The following NOP9 variants were observed in gnomAD, a reference collection of about 807,000 sequenced individuals.
NOP9 encodes the protein nucleolar protein 9.
Under a neutral mutation model 63.0 loss-of-function variants are expected in NOP9, and 50 were observed. The ratio of observed to expected loss-of-function variants is 0.79; its 90% CI spans 0.63 to 1.00. The LOEUF (loss-of-function observed/expected upper bound fraction) is 1.00. Ranked by LOEUF, NOP9 falls within the 50% of genes least tolerant of loss-of-function variation. The pLI is 0.00. For synonymous variants in NOP9, 343 were observed against 332.8 expected (o/e 1.03, Z -0.33); for missense variants, 758 against 803.0 (o/e 0.94, Z 0.68).
At chr14:24,304,331 T>A in intron 8 of NOP9, 54 bp downstream of exon 8, 15 of 1,482,364 alleles carry the variant, frequency 1.0e-5, no homozygotes, top group Non-Finnish European at 1.3e-5. Flanking sequence ...TTAGAGAATA[T>A]GAGCTTTCCC....
rs2041404979 is a variant in NOP9 at position 24,303,078 on chromosome 14, C to T, written c.1148C>T (p.Ser383Phe). 1 of 1,534,236 alleles carries T rather than the reference C, an allele frequency of 6.5e-7. No individual in the cohort carries two copies. Among genetic ancestry groups the T allele is most frequent in the Non-Finnish European group, 8.7e-7 (1 of 1,143,814 alleles). The change falls in exon 6 of 10, where the codon TCC becomes TTC. Residue 383 changes from serine to phenylalanine, a missense_variant. Ser to Phe is a radical substitution (Grantham distance 155). Transcript: ENST00000267425. The stretch of plus-strand genomic sequence containing the variant: ...ACATTCCATGTTTCCCATCAGCTGT[C>T]CCCTGTGTTTGAGGAGCTGAGCCCT... The part of the protein sequence containing the change: ...LDAVTTPELL[S>F]PVFEELSPVL...
the NOP9 span, among the ~76,000 whole-genome samples, chr14:24,280,457 G>A: frequency 2.0e-5 from 3 of 152,198 alleles, no homozygotes; most frequent in Non-Finnish European, 4.4e-5. Flanking sequence ...TCCTGTGGGT[G>A]CAGCGCCCCA....
chr14:24,304,187 A>G lies in NOP9; in HGVS notation c.1557A>G (p.Gln519=). 6.2e-7 allele frequency: 1 copy of G among 1,614,206 alleles called. No homozygotes were observed. The highest frequency in any genetic ancestry group is 8.5e-7 in the Non-Finnish European group (1 of 1,180,028). The stretch of plus-strand genomic sequence containing the variant: ...GACCACAGCTTCTGTCCCTTGCCCA[A>G]AGTCCCGCTGGCTCTCATGTGCTCG... ...LTGPQLLSLA[Q]SPAGSHVLDA... Residue 519 remains glutamine (Q), a synonymous_variant, in exon 8 of 10, where the codon CAA becomes CAG. Transcript: ENST00000267425.
the NOP9 span, among the ~76,000 whole-genome samples, chr14:24,275,657 C>T: frequency 3.7e-4 from 57 of 152,336 alleles, no homozygotes; most frequent in African/African-American, 1.2e-3. Context: ...AAGGGGGCCA[C>T]GAGCCCTGGG....
Position 24,305,577 on chromosome 14 carries a change from A to C in NOP9, c.*482A>C. ...GCAGGTCCTGAAATTTGATGCTGTC[A>C]TAGTCTTTGCAGTGGGTCGGTTGGA... On this transcript the variant is annotated 3_prime_UTR_variant, in exon 10 of 10. Coordinates refer to ENST00000267425, the MANE Select transcript of NOP9 (RefSeq NM_174913.3). The C allele has an allele frequency of 6.3e-7, 1 of 1,576,120 alleles. No individual in the cohort carries two copies. Among genetic ancestry groups the C allele is most frequent in the Non-Finnish European group, 8.6e-7 (1 of 1,162,878 alleles).
upstream of NOP9, chr14:24,296,523 G>T (rs753904537): frequency 6.2e-7 from 1 of 1,614,220 alleles, no homozygotes; most frequent in Non-Finnish European, 8.5e-7. Flanking sequence ...GTCCGACGTT[G>T]TTGATATCAT....
the NOP9 span, among the ~76,000 whole-genome samples, chr14:24,283,122 T>G: frequency 6.6e-6 from 1 of 152,236 alleles, no homozygotes; most frequent in Admixed American, 6.5e-5. Flanking sequence ...CCAGCCCCTC[T>G]TAAAGTGCTG....
chr14:24,297,237 C>A (rs1234067002), upstream of NOP9, among the ~76,000 whole-genome samples: 1 of 152,166 alleles, frequency 6.6e-6, no homozygotes, highest in Non-Finnish European at 1.5e-5. Context: ...TTGTTGTGGT[C>A]ATTTCCATCT....
At chr14:24,292,843 C>T in the NOP9 span, 1 of 1,552,172 alleles carries the variant, frequency 6.4e-7, no homozygotes. Context: ...CTGGGTGCCA[C>T]AGCCTCTGGC....
In NOP9 at chr14:24,305,677, C is replaced by T; in HGVS notation, c.*582C>T. 6.2e-7 allele frequency: 1 copy of T among 1,614,220 alleles called. No individual in the cohort carries two copies. Among genetic ancestry groups the T allele is most frequent in the Non-Finnish European group, 8.5e-7 (1 of 1,180,044 alleles). On this transcript the variant is annotated 3_prime_UTR_variant, in exon 10 of 10. Transcript: ENST00000267425. The stretch of plus-strand genomic sequence containing the variant: ...CCCTTCTGCTGCCACTGCTCAGCCC[C>T]CTCCACTGCATGACGAAGGGTGGAG...
chr14:24,278,173 G>A, the NOP9 span, among the ~76,000 whole-genome samples: 1 of 152,208 alleles, frequency 6.6e-6, no homozygotes, highest in African/African-American at 2.4e-5. Flanking sequence ...ACTCAGTGAA[G>A]TCACATACCC....
the NOP9 span, chr14:24,293,656 A>AG: frequency 2.0e-5 from 3 of 152,000 alleles, no homozygotes; most frequent in South Asian, 2.1e-4. Flanking sequence ...CTTGTGGGTG[A>AG]GGGGGATTGC....
chr14:24,291,203 G>A, the NOP9 span: 2 of 1,614,132 alleles, frequency 1.2e-6, no homozygotes, highest in Middle Eastern at 1.6e-4. Context: ...TACCACTCAG[G>A]CTCAGGATAT....
the NOP9 span, among the ~76,000 whole-genome samples, chr14:24,286,146 C>T: frequency 6.6e-6 from 1 of 152,206 alleles, no homozygotes; most frequent in Admixed American, 6.5e-5. Flanking sequence ...ATCAGTGCTA[C>T]GTCTGGCACA....
chr14:24,306,577 C>T lies in NOP9; in HGVS notation c.*1482C>T. The T allele has an allele frequency of 3.7e-6, 6 of 1,609,954 alleles. No individual in the cohort carries two copies. The South Asian group carries it at 5.5e-5, about 15-fold the overall frequency. On this transcript the variant is annotated 3_prime_UTR_variant, in exon 10 of 10. Transcript: ENST00000267425. ...AGGTCTTATCCCATGCCCCTTCCCT[C>T]TTTAGCTGCCCAACATCCATCAGTT...
Position 24,303,952 on chromosome 14 carries a change from T to C in NOP9, c.1411-89T>C. The stretch of plus-strand genomic sequence containing the variant: ...GACTTCTGAGGTGAGAGTGGTGACT[T>C]CATCCAGGTGGAGGTGGCAGTGTTC... On this transcript the variant is annotated intron_variant, in intron 7 of 9. Transcript: ENST00000267425. The C allele has an allele frequency of 4.4e-6, 7 of 1,584,754 alleles. No homozygotes were observed. The South Asian group carries it at 7.8e-5, about 18-fold the overall frequency.
the NOP9 span, chr14:24,292,024 G>T: frequency 2.2e-6 from 2 of 922,040 alleles, no homozygotes; most frequent in East Asian, 4.9e-5. Context: ...AATGGAGCTG[G>T]TATCTCCCTT....
upstream of NOP9, among the ~76,000 whole-genome samples, chr14:24,296,088 G>T (rs955806887): frequency 6.6e-6 from 1 of 152,196 alleles, no homozygotes; most frequent in Non-Finnish European, 1.5e-5. Flanking sequence ...TGTGGGTGTG[G>T]AGTGAGGATG....
At chr14:24,277,666 G>C in the NOP9 span, among the ~76,000 whole-genome samples, 1 of 152,224 alleles carries the variant, frequency 6.6e-6, no homozygotes, top group African/African-American at 2.4e-5. Flanking sequence ...CTGGCCTTGT[G>C]CTCAGGCTGA....
Sources: allele counts gnomAD v4.1 joint callset (sites outside exome capture counted in the v4.1 genomes callset), GRCh38; gene constraint gnomAD v4.1.1; transcripts MANE v1.5; gene names NCBI Gene and HGNC (gene_info 2026-07-23, HGNC 2026-07-21).